The following IL1RAPL2 variants were observed in gnomAD, a reference collection of about 807,000 sequenced individuals.
The protein encoded by IL1RAPL2 is X-linked interleukin-1 receptor accessory protein-like 2.
Under a neutral mutation model 44.1 loss-of-function variants are expected in IL1RAPL2, and 3 were observed. The ratio of observed to expected loss-of-function variants is 0.07; its 90% CI spans 0.03 to 0.18. The LOEUF (loss-of-function observed/expected upper bound fraction) is 0.18. IL1RAPL2 is among the 10% of genes least tolerant of loss of function. The probability of loss-of-function intolerance (pLI) is 1.00; values close to 1 mark genes in which losing one functional copy is unlikely to be tolerated. For missense variants in IL1RAPL2, 391 were observed against 496.4 expected (o/e 0.79, Z 2.02); for synonymous variants, 181 against 178.8 (o/e 1.01, Z -0.10).
At chrX:105,433,802 T>A (rs1284778689) in intron 5 of IL1RAPL2, among the ~76,000 whole-genome samples, 1 of 111,004 alleles carries the variant, frequency 9.0e-6, no homozygotes, top group Non-Finnish European at 1.9e-5. Context: ...TGCAAGTAGA[T>A]GGACCAGACA....
intron 1 of IL1RAPL2, among the ~76,000 whole-genome samples, chrX:104,600,429 A>C (rs2148000051): frequency 8.9e-6 from 1 of 111,768 alleles, no homozygotes; most frequent in African/African-American, 3.2e-5. Context: ...CAATATTAAT[A>C]TTCTATTTCA....
At chrX:105,572,913 AGAAAAGTTTAGATGT>A (rs2037025048) in intron 6 of IL1RAPL2, among the ~76,000 whole-genome samples, 2 of 112,248 alleles carry the variant, frequency 1.8e-5, no homozygotes, top group South Asian at 7.3e-4. Context: ...ATATTGTTGA[AGAAAAGTTTAGATGT>A]GAAGAAGTGG....
At chrX:104,991,135 T>C (rs1441544748) in intron 2 of IL1RAPL2, among the ~76,000 whole-genome samples, 1 of 111,619 alleles carries the variant, frequency 9.0e-6, no homozygotes, top group Non-Finnish European at 1.9e-5. Flanking sequence ...ACCTCCTTAC[T>C]GTCTCTCCCT....
intron 6 of IL1RAPL2, among the ~76,000 whole-genome samples, chrX:105,487,431 AT>A (rs1437289230): frequency 7.3e-4 from 82 of 112,092 alleles, no homozygotes; most frequent in Non-Finnish European, 1.2e-3. Flanking sequence ...TTTACTTCCA[AT>A]TTACATTAGA....
chrX:104,688,080 G>T (rs952398722), intron 2 of IL1RAPL2, among the ~76,000 whole-genome samples: 1 of 111,790 alleles, frequency 8.9e-6, no homozygotes, highest in Non-Finnish European at 1.9e-5. Flanking sequence ...TCCCCGCCAG[G>T]CTCCTGCTGC....
chrX:105,012,238 C>T (rs1193382857), intron 2 of IL1RAPL2, among the ~76,000 whole-genome samples: 1 of 110,817 alleles, frequency 9.0e-6, no homozygotes, highest in African/African-American at 3.3e-5. Flanking sequence ...TGAATCTGTG[C>T]ATCAAAGCAA....
intron 3 of IL1RAPL2, among the ~76,000 whole-genome samples, chrX:105,213,889 A>G (rs1488406464): frequency 1.8e-5 from 2 of 109,807 alleles, no homozygotes; most frequent in African/African-American, 6.7e-5. Flanking sequence ...TTCATAAGCA[A>G]AGGAGAAATA....
At chrX:104,901,199 CTTTTTTTTT>C (rs1194148816) in intron 2 of IL1RAPL2, among the ~76,000 whole-genome samples, 20 of 32,121 alleles carry the variant, frequency 6.2e-4, no homozygotes, top group Admixed American at 1.2e-3. Context: ...TCTTTTGCTT[CTTTTTTTTT>C]TTTTTTTTTT....
At chrX:104,822,516 C>T (rs1347679228) in intron 2 of IL1RAPL2, among the ~76,000 whole-genome samples, 1 of 111,883 alleles carries the variant, frequency 8.9e-6, no homozygotes, top group African/African-American at 3.3e-5. Context: ...ATCCTCTCCC[C>T]ATTGCTTGTT....
At chrX:105,660,979 T>A (rs1289266156) in intron 6 of IL1RAPL2, among the ~76,000 whole-genome samples, 1 of 110,517 alleles carries the variant, frequency 9.0e-6, no homozygotes, top group South Asian at 3.8e-4. Context: ...AATCAAAAGA[T>A]GTTCAGTGGT....
chrX:104,846,659 G>A (rs963897654), intron 2 of IL1RAPL2, among the ~76,000 whole-genome samples: 19 of 111,930 alleles, frequency 1.7e-4, no homozygotes, highest in South Asian at 1.5e-3. Context: ...GTAAACATAC[G>A]TGTGCATGTG....
chrX:104,739,935 A>G (rs777447454), intron 2 of IL1RAPL2, among the ~76,000 whole-genome samples: 2 of 111,521 alleles, frequency 1.8e-5, no homozygotes, highest in African/African-American at 3.3e-5. Flanking sequence ...TCACCTGACT[A>G]CTGTCATGAC....
At chrX:104,680,317 A>G (rs897122903) in intron 2 of IL1RAPL2, among the ~76,000 whole-genome samples, 9 of 111,779 alleles carry the variant, frequency 8.1e-5, no homozygotes, top group African/African-American at 2.9e-4. Flanking sequence ...GGCTTAAATG[A>G]GTCCACAACC....
At chrX:105,447,571 A>G (rs1237731392) in intron 5 of IL1RAPL2, among the ~76,000 whole-genome samples, 1 of 78,762 alleles carries the variant, frequency 1.3e-5, no homozygotes, top group Non-Finnish European at 2.2e-5. Flanking sequence ...AAATATATAA[A>G]CATAAATATA....
chrX:105,419,381 T>C (rs1450308143), intron 5 of IL1RAPL2, among the ~76,000 whole-genome samples: 1 of 111,810 alleles, frequency 8.9e-6, no homozygotes, highest in African/African-American at 3.3e-5. Context: ...TTCGGTATAA[T>C]AAGTATATTT....
intron 2 of IL1RAPL2, among the ~76,000 whole-genome samples, chrX:104,883,645 T>C (rs965459534): frequency 9.0e-6 from 1 of 111,393 alleles, no homozygotes; most frequent in South Asian, 3.8e-4. Context: ...ACTCCCTATC[T>C]CTGGTGCTTT....
At chrX:105,139,316 A>T (rs929804435) in intron 2 of IL1RAPL2, among the ~76,000 whole-genome samples, 1 of 111,664 alleles carries the variant, frequency 9.0e-6, no homozygotes. Flanking sequence ...AGAATAAATC[A>T]TATATAGATT....
At chrX:104,586,816 A>G (rs1452162951) in intron 1 of IL1RAPL2, among the ~76,000 whole-genome samples, 3 of 112,279 alleles carry the variant, frequency 2.7e-5, no homozygotes, top group African/African-American at 9.7e-5. Context: ...TCCTTTCTTA[A>G]TTAGAAAAGC....
intron 5 of IL1RAPL2, among the ~76,000 whole-genome samples, chrX:105,271,374 C>T (rs1331766067): frequency 8.9e-6 from 1 of 112,000 alleles, no homozygotes. Context: ...ATGCCTACAG[C>T]GACAGTTTTA....
Sources: allele counts gnomAD v4.1 joint callset (sites outside exome capture counted in the v4.1 genomes callset), GRCh38; gene constraint gnomAD v4.1.1; transcripts MANE v1.5; gene names NCBI Gene and HGNC (gene_info 2026-07-23, HGNC 2026-07-21).